CNOT6: variants seen among roughly 807,000 people sequenced by gnomAD.
CNOT6 encodes the protein CCR4-NOT transcription complex subunit 6.
CNOT6 carries 12 observed loss-of-function variants against 61.2 expected under a neutral mutation model. That is an observed-to-expected ratio of 0.20 (90% confidence interval 0.13 to 0.32). The LOEUF (loss-of-function observed/expected upper bound fraction) is 0.32, where lower values mean the gene tolerates loss of function less well. Among genes scored for constraint, CNOT6 ranks in the 10% least tolerant of loss-of-function variants. CNOT6 has a pLI of 1.00. For synonymous variants in CNOT6, 225 were observed against 240.6 expected (o/e 0.94, Z 0.60); for missense variants, 405 against 663.9 (o/e 0.61, Z 4.28).
rs1215718273 is a variant in CNOT6, at chr5:180,564,722, C to G, written c.538C>G (p.Pro180Ala). 1.2e-6 allele frequency: 2 copies of G among 1,613,832 alleles called. No homozygotes were observed. Among genetic ancestry groups the G allele is most frequent in the South Asian group, 1.1e-5 (1 of 91,070 alleles). ...AAGGTCTTGGATTATGTTACAAGAACCAGATAGGACAAGGCCAACTGGTTG... is the reference window on the plus strand; with the variant it reads ...AAGGTCTTGGATTATGTTACAAGAAGCAGATAGGACAAGGCCAACTGGTTG... ...PPRSWIMLQE[P>A]DRTRPTALFS... The change falls in exon 6 of 12, where the codon CCA becomes GCA. Residue 180 changes from proline to alanine, a missense_variant. Transcript: ENST00000261951.
At chr5:180,557,124 G>A (rs574138847) in intron 4 of CNOT6, among the ~76,000 whole-genome samples, 15 of 152,202 alleles carry the variant, frequency 9.9e-5, no homozygotes, top group African/African-American at 3.4e-4. Flanking sequence ...AATGTCTCGT[G>A]GTTAGTTTAA....
At chr5:180,537,499 G>GT (rs893532800) in intron 2 of CNOT6, among the ~76,000 whole-genome samples, 73 of 149,204 alleles carry the variant, frequency 4.9e-4, no homozygotes, top group Non-Finnish European at 6.6e-4. Context: ...AGTTTTAAGA[G>GT]TTTTTTTTTT....
intron 1 of CNOT6, among the ~76,000 whole-genome samples, chr5:180,518,412 A>G (rs1431959946): frequency 6.6e-6 from 1 of 152,210 alleles, no homozygotes; most frequent in Non-Finnish European, 1.5e-5. Flanking sequence ...TTCCGGAGAT[A>G]ATATTACTTC....
intron 9 of CNOT6, 52 bp downstream of exon 9, chr5:180,568,055 C>G: frequency 2.0e-6 from 3 of 1,507,850 alleles, no homozygotes; most frequent in Non-Finnish European, 2.7e-6. Flanking sequence ...TAGACATCTT[C>G]AAAAGAATAG....
chr5:180,540,544 T>C (rs1375786648), intron 2 of CNOT6, among the ~76,000 whole-genome samples: 2 of 152,184 alleles, frequency 1.3e-5, no homozygotes, highest in Non-Finnish European at 2.9e-5. Flanking sequence ...ACATGAGATA[T>C]TCAACACTTG....
At chr5:180,570,390 A>G (rs1193418968) in intron 10 of CNOT6, among the ~76,000 whole-genome samples, 1 of 152,166 alleles carries the variant, frequency 6.6e-6, no homozygotes, top group Non-Finnish European at 1.5e-5. Flanking sequence ...GAGAGAAAGA[A>G]AAACTGAGTT....
chr5:180,567,727 G>A (rs556600303), intron 8 of CNOT6, 122 bp from the exon 9 acceptor site: 33 of 1,323,672 alleles, frequency 2.5e-5, no homozygotes, highest in African/African-American at 1.3e-4. Context: ...AGGATTTTCC[G>A]TAATGTGATT....
intron 1 of CNOT6, among the ~76,000 whole-genome samples, chr5:180,512,982 G>T (rs947333474): frequency 1.3e-5 from 2 of 150,750 alleles, no homozygotes; most frequent in African/African-American, 4.9e-5. Context: ...TGCAAGCTCC[G>T]CCTCCTGGGT....
rs1367218803 is a variant in CNOT6 at position 180,565,884 on chromosome 5, C to T, written c.624C>T (p.Gly208=). ...AATATGCGACCCGGCAGTTATACGG[C>T]TACTGTCCATCATGGGCGCTAAACT... ...CDKYATRQLY[G]YCPSWALNWD... is the part of the protein sequence containing the mutation. The change falls in exon 7 of 12, where the codon GGC becomes GGT. Residue 208 remains glycine, a synonymous_variant. Coordinates refer to ENST00000261951, the MANE Select transcript of CNOT6 (RefSeq NM_001370472.1). 1.2e-6 allele frequency: 2 copies of T among 1,613,742 alleles called. No individual in the cohort carries two copies. The highest frequency in any genetic ancestry group is 4.5e-5 in the East Asian group (2 of 44,866).
intron 1 of CNOT6, among the ~76,000 whole-genome samples, chr5:180,496,500 A>G (rs888997459): frequency 2.6e-5 from 4 of 152,230 alleles, no homozygotes; most frequent in Middle Eastern, 3.4e-3. Flanking sequence ...ATTTCAGGTC[A>G]CTTCTCAGTC....
chr5:180,542,342 G>A (rs1759091760), intron 2 of CNOT6, among the ~76,000 whole-genome samples: 1 of 151,340 alleles, frequency 6.6e-6, no homozygotes, highest in Non-Finnish European at 1.5e-5. Flanking sequence ...TCGGCTCACC[G>A]CAAGCTCTGC....
At chr5:180,528,858 A>G (rs1403304132) in intron 1 of CNOT6, among the ~76,000 whole-genome samples, 2 of 152,080 alleles carry the variant, frequency 1.3e-5, no homozygotes, top group East Asian at 3.9e-4. Flanking sequence ...AATTTCTGCA[A>G]GAAGCTCCTA....
At chr5:180,519,340 A>G (rs914274959) in intron 1 of CNOT6, among the ~76,000 whole-genome samples, 12 of 152,212 alleles carry the variant, frequency 7.9e-5, no homozygotes, top group African/African-American at 2.7e-4. Flanking sequence ...TGAGGTCTCC[A>G]TTTGGTTAGA....
chr5:180,557,300 T>A (rs921140918), intron 4 of CNOT6, among the ~76,000 whole-genome samples: 24 of 152,228 alleles, frequency 1.6e-4, no homozygotes, highest in Admixed American at 1.0e-3. Flanking sequence ...GGTTGTATAT[T>A]TAATTTTTTA....
intron 1 of CNOT6, among the ~76,000 whole-genome samples, chr5:180,522,515 G>A (rs111912382): frequency 2.8e-4 from 42 of 152,172 alleles, no homozygotes; most frequent in Non-Finnish European, 5.3e-4. Context: ...CCTTTTTGGG[G>A]CAGCCTCGCC....
At chr5:180,563,109 A>T (rs889384005) in intron 4 of CNOT6, among the ~76,000 whole-genome samples, 2 of 152,212 alleles carry the variant, frequency 1.3e-5, no homozygotes, top group African/African-American at 4.8e-5. Flanking sequence ...CCATCCATGC[A>T]ACTCAGCTTC....
intron 2 of CNOT6, among the ~76,000 whole-genome samples, chr5:180,530,561 CTT>C (rs70973925): frequency 2.2e-4 from 26 of 119,396 alleles, no homozygotes; most frequent in Admixed American, 1.7e-4. Flanking sequence ...CTTCTGATTT[CTT>C]TTTTTTTTTT....
chr5:180,565,059 A>G (rs1760385911), intron 6 of CNOT6, among the ~76,000 whole-genome samples: 1 of 152,256 alleles, frequency 6.6e-6, no homozygotes, highest in Non-Finnish European at 1.5e-5. Context: ...GATGGAGGCC[A>G]GGGTTGCTGC....
rs772687968 is a variant in CNOT6, at chr5:180,574,205, G to A, written c.*5G>A. ...CACCTTCCTGGCAGGAGGTAGTCAA[G>A]CACCTTCAGAGGACAGCCTTGATTC... On this transcript the variant is annotated 3_prime_UTR_variant, in exon 12 of 12. Coordinates refer to ENST00000261951, the MANE Select transcript of CNOT6 (RefSeq NM_001370472.1). The A allele has an allele frequency of 1.1e-5, 17 of 1,610,192 alleles. No homozygotes were observed. The African/African-American group carries it at 2.0e-4, about 19-fold the overall frequency.
Sources: gnomAD v4.1 joint callset for allele counts (sites outside exome capture counted in the v4.1 genomes callset) on GRCh38, gnomAD v4.1.1 for gene constraint, MANE v1.5 for transcripts, NCBI Gene and HGNC (gene_info 2026-07-23, HGNC 2026-07-21) for gene names.